The following PIP5K1B variants were observed in gnomAD, a reference collection of about 807,000 sequenced individuals.
The protein encoded by PIP5K1B is phosphatidylinositol-4-phosphate 5-kinase type 1 beta, also known as phosphatidylinositol 4-phosphate 5-kinase type-1 beta.
Under a neutral mutation model 67.0 loss-of-function variants are expected in PIP5K1B, and 42 were observed. The ratio of observed to expected loss-of-function variants is 0.63; its 90% CI spans 0.49 to 0.81. The LOEUF is 0.81. PIP5K1B is among the 30% of genes least tolerant of loss of function. The probability of loss-of-function intolerance (pLI) is 0.00; values close to 1 mark genes in which losing one functional copy is unlikely to be tolerated. For synonymous variants in PIP5K1B, 214 were observed against 231.4 expected, an observed-to-expected ratio of 0.92 and a Z score of 0.68; for missense variants, 459 against 646.3, an observed-to-expected ratio of 0.71 and a Z score of 3.14.
Position 68,860,092 on chromosome 9 carries a change from C to T in PIP5K1B, c.70-3745C>T, listed in dbSNP as rs77112988. On this transcript the variant is annotated intron_variant, in intron 4 of 15. Coordinates refer to ENST00000265382, the MANE Select transcript of PIP5K1B (RefSeq NM_003558.4). ...TACTTTCTTGGTGATTTTTAACATA[C>T]GATCATTGTTATTAATGTAGTCACC... 8.7e-3 allele frequency among the ~76,000 whole-genome samples: 1,316 copies of T among 152,058 alleles called. 24 individuals carry two copies. Among genetic ancestry groups the T allele is most frequent in the African/African-American group, 0.03 (1,245 of 41,462 alleles).
chr9:68,845,694 CTG>C lies in PIP5K1B; in HGVS notation c.70-18141_70-18140del, dbSNP rs530455508. ...GCTCAGAAATAGAGGATTTTGGAAA[CTG>C]TATTCCACTGTTCTAAAAGAGAAAG... On this transcript the variant is annotated intron_variant, in intron 4 of 15. Transcript: ENST00000265382. 6.0e-3 allele frequency among the ~76,000 whole-genome samples: 918 copies of C among 152,226 alleles called. 11 individuals are homozygous for C. Among genetic ancestry groups the C allele is most frequent in the African/African-American group, 0.021 (878 of 41,534 alleles).
chr9:68,978,634 A>G (rs1211845354), intron 14 of PIP5K1B, among the ~76,000 whole-genome samples: 1 of 152,276 alleles, frequency 6.6e-6, no homozygotes, highest in Non-Finnish European at 1.5e-5. Context: ...GTAGGCACTC[A>G]GTATACATTT....
chr9:68,989,900 A>G (rs1830283434), intron 14 of PIP5K1B, among the ~76,000 whole-genome samples: 1 of 152,134 alleles, frequency 6.6e-6, no homozygotes, highest in Non-Finnish European at 1.5e-5. Flanking sequence ...GAATCACTGG[A>G]ACCCAGGAGG....
chr9:68,852,965 G>A (rs757050268), intron 4 of PIP5K1B, among the ~76,000 whole-genome samples: 1 of 152,114 alleles, frequency 6.6e-6, no homozygotes, highest in Admixed American at 6.6e-5. Flanking sequence ...ACAGCATTTA[G>A]CATTAACAGG....
rs148844396 is a variant in PIP5K1B at position 68,934,997 on chromosome 9, C to A, written c.1309C>A (p.Arg437=). 8.1e-6 allele frequency: 13 copies of A among 1,613,462 alleles called. No homozygotes were observed. The highest frequency in any genetic ancestry group is 1.1e-5 in the Non-Finnish European group (13 of 1,179,732). Residue 437 remains arginine (R), a synonymous_variant, in exon 13 of 16, where the codon CGG becomes AGG. Coordinates refer to ENST00000265382, the MANE Select transcript of PIP5K1B (RefSeq NM_003558.4). ...SISQEWKDEK[R]DLLTEGQSFS... ...TAGCCAGGAATGGAAGGATGAGAAGCGGGATTTGCTGACTGAAGGACAAAG... is the reference window on the plus strand; with the variant it reads ...TAGCCAGGAATGGAAGGATGAGAAGAGGGATTTGCTGACTGAAGGACAAAG...
chr9:68,947,128 C>G (rs745461174), intron 14 of PIP5K1B, among the ~76,000 whole-genome samples: 9 of 152,164 alleles, frequency 5.9e-5, no homozygotes, highest in Non-Finnish European at 1.3e-4. Context: ...TGTTAGAGTC[C>G]TTTCAGGAAA....
At chr9:68,777,344 T>G (rs1830968688) in intron 2 of PIP5K1B, among the ~76,000 whole-genome samples, 1 of 152,200 alleles carries the variant, frequency 6.6e-6, no homozygotes, top group Non-Finnish European at 1.5e-5. Flanking sequence ...GTCTTTCCCT[T>G]GTAGAGCTTA....
chr9:68,715,965 C>CT (rs1265170089), intron 1 of PIP5K1B, among the ~76,000 whole-genome samples: 3 of 152,136 alleles, frequency 2.0e-5, no homozygotes, highest in Admixed American at 6.5e-5. Context: ...ATACTAGTGT[C>CT]TTTGTTTGCC....
intron 14 of PIP5K1B, among the ~76,000 whole-genome samples, chr9:68,952,187 T>A (rs540674078): frequency 6.6e-6 from 1 of 152,368 alleles, no homozygotes; most frequent in East Asian, 1.9e-4. Flanking sequence ...AATGACTGCC[T>A]TGTTCTTCGG....
At position 68,792,888 on chromosome 9, in the gene PIP5K1B, G is replaced by A. The variant is rs570433312; in HGVS notation, c.-85-25573G>A. ...GAGACTAGAAATTCATTCATTAAGCGATGTTGATTAAAGCACTGATTATGT... is the reference window on the plus strand; with the variant it reads ...GAGACTAGAAATTCATTCATTAAGCAATGTTGATTAAAGCACTGATTATGT... On this transcript the variant is annotated intron_variant, in intron 2 of 15. Transcript: ENST00000265382. Among the ~76,000 whole-genome samples the A allele has an allele frequency of 3.3e-5, 5 of 152,278 alleles. No individual in the cohort carries two copies. In the South Asian group the frequency reaches 8.3e-4, roughly 25 times the overall value.
chr9:68,730,182 A>G (rs1168094894), intron 1 of PIP5K1B, among the ~76,000 whole-genome samples: 1 of 152,230 alleles, frequency 6.6e-6, no homozygotes, highest in Non-Finnish European at 1.5e-5. Context: ...GTTACATACA[A>G]TTTGCATTGA....
intron 1 of PIP5K1B, among the ~76,000 whole-genome samples, chr9:68,725,419 A>G (rs1828103536): frequency 6.6e-6 from 1 of 152,236 alleles, no homozygotes; most frequent in South Asian, 2.1e-4. Flanking sequence ...GGCCAAATGA[A>G]CTGAGGACCT....
chr9:68,813,777 C>G (rs1833288808), intron 2 of PIP5K1B, among the ~76,000 whole-genome samples: 1 of 152,052 alleles, frequency 6.6e-6, no homozygotes, highest in Admixed American at 6.6e-5. Flanking sequence ...AACACAGTGG[C>G]AAGCCAAGGG....
chr9:68,914,874 A>G (rs1826024141), intron 8 of PIP5K1B, among the ~76,000 whole-genome samples: 1 of 152,200 alleles, frequency 6.6e-6, no homozygotes, highest in African/African-American at 2.4e-5. Context: ...GCAGGCCAGC[A>G]ATACAGTTCT....
At chr9:68,827,724 C>G (rs116310565) in intron 4 of PIP5K1B, among the ~76,000 whole-genome samples, 331 of 152,200 alleles carry the variant, frequency 2.2e-3, no homozygotes, top group African/African-American at 7.7e-3. Context: ...CCAATCAGTG[C>G]GACTACCAGA....
intron 12 of PIP5K1B, among the ~76,000 whole-genome samples, chr9:68,928,456 C>G (rs968557212): frequency 3.9e-5 from 6 of 152,222 alleles, no homozygotes; most frequent in African/African-American, 1.4e-4. Context: ...CAAAGGACTT[C>G]ACCATTGAAT....
At chr9:68,814,745 A>G (rs1833349155) in intron 2 of PIP5K1B, among the ~76,000 whole-genome samples, 2 of 152,114 alleles carry the variant, frequency 1.3e-5, no homozygotes, top group African/African-American at 4.8e-5. Context: ...GCTTGAGCCC[A>G]GGTGGTGGAG....
chr9:68,773,828 C>T (rs548263351), intron 2 of PIP5K1B, among the ~76,000 whole-genome samples: 31 of 152,056 alleles, frequency 2.0e-4, no homozygotes, highest in South Asian at 1.2e-3. Flanking sequence ...ACTTAACGGG[C>T]CCTCAATGAT....
intron 15 of PIP5K1B, among the ~76,000 whole-genome samples, chr9:69,001,825 G>T (rs1268710941): frequency 6.6e-6 from 1 of 152,138 alleles, no homozygotes; most frequent in Non-Finnish European, 1.5e-5. Flanking sequence ...ACAATTAGCA[G>T]GAGTCACTCA....
Sources: allele counts gnomAD v4.1 joint callset (sites outside exome capture counted in the v4.1 genomes callset), GRCh38; gene constraint gnomAD v4.1.1; transcripts MANE v1.5; gene names NCBI Gene and HGNC (gene_info 2026-07-23, HGNC 2026-07-21).